TTC28: variants seen among roughly 807,000 people sequenced by gnomAD.
TTC28 encodes tetratricopeptide repeat protein 28.
TTC28 carries 61 observed loss-of-function variants against 198.0 expected under a neutral mutation model. The ratio of observed to expected loss-of-function variants is 0.31; its 90% CI spans 0.25 to 0.38. TTC28 has a LOEUF of 0.38. Ranked by LOEUF, TTC28 falls within the 10% of genes least tolerant of loss-of-function variation. The probability of loss-of-function intolerance (pLI) is 1.00; values close to 1 mark genes in which losing one functional copy is unlikely to be tolerated. For synonymous variants in TTC28, 1,171 were observed against 1,297.8 expected, an observed-to-expected ratio of 0.90 and a Z score of 2.10; for missense variants, 2,678 against 3,164.0, an observed-to-expected ratio of 0.85 and a Z score of 3.69.
Position 28,163,490 on chromosome 22 carries a change from T to C in TTC28, c.1043A>G (p.Lys348Arg), listed in dbSNP as rs1204128755. The change falls in exon 6 of 23, where the codon AAA becomes AGA. Residue 348 changes from lysine (K) to arginine (R), a missense_variant. Around this residue, in one of 8 missense-constraint regions of TTC28, gnomAD observed 775 missense variants for 845.9 expected, o/e 0.92. Transcript: ENST00000397906. ...KQCVLLAKQS[K>R]DELSEARELG... is the part of the protein sequence containing the mutation. The stretch of plus-strand genomic sequence containing the variant: ...TTCTCGGGCTTCAGAAAGTTCATCT[T>C]TGGATTGCTTGGCAAGAAGAACACA... 4 of 1,551,758 alleles carry C rather than the reference T, an allele frequency of 2.6e-6. No homozygotes were observed. Among genetic ancestry groups the C allele is most frequent in the East Asian group, 2.4e-5 (1 of 40,910 alleles).
intron 6 of TTC28, among the ~76,000 whole-genome samples, chr22:28,159,707 T>C (rs1035719517): frequency 6.6e-6 from 1 of 151,710 alleles, no homozygotes; most frequent in African/African-American, 2.4e-5. Flanking sequence ...AGCAATCCCA[T>C]TGCTGGATAT....
chr22:28,438,572 C>T (rs546803433), intron 2 of TTC28, among the ~76,000 whole-genome samples: 192 of 152,258 alleles, frequency 1.3e-3, no homozygotes, highest in Non-Finnish European at 2.3e-3. Flanking sequence ...AGTAAAATAA[C>T]ATTAGATGAG....
chr22:28,559,241 T>C (rs761121984), intron 2 of TTC28, among the ~76,000 whole-genome samples: 2 of 152,130 alleles, frequency 1.3e-5, no homozygotes, highest in Non-Finnish European at 1.5e-5. Flanking sequence ...TATGCCCTAA[T>C]CCAAAATGTC....
At chr22:28,526,286 C>T (rs1328868432) in intron 2 of TTC28, among the ~76,000 whole-genome samples, 3 of 152,116 alleles carry the variant, frequency 2.0e-5, no homozygotes, top group Non-Finnish European at 4.4e-5. Flanking sequence ...ATTATTCTAA[C>T]AACATCTTTC....
At chr22:28,149,045 C>T (rs931260876) in intron 6 of TTC28, among the ~76,000 whole-genome samples, 2 of 152,174 alleles carry the variant, frequency 1.3e-5, no homozygotes, top group Non-Finnish European at 2.9e-5. Flanking sequence ...TAGGTGATTT[C>T]GTCATTGTAC....
chr22:28,034,664 C>T (rs2235713), intron 12 of TTC28, among the ~76,000 whole-genome samples: 10,548 of 152,228 alleles, frequency 0.069, 481 homozygotes, highest in East Asian at 0.24. Context: ...TGGATTATTA[C>T]GGTCATGAAG....
chr22:28,021,842 G>A (rs553473480), intron 13 of TTC28, among the ~76,000 whole-genome samples: 4 of 152,170 alleles, frequency 2.6e-5, no homozygotes, highest in Admixed American at 1.3e-4. Flanking sequence ...ATCTGGCCAT[G>A]ACATCTTTAG....
At chr22:28,474,158 GA>G (rs904789208) in intron 2 of TTC28, among the ~76,000 whole-genome samples, 13 of 151,922 alleles carry the variant, frequency 8.6e-5, no homozygotes, top group African/African-American at 2.9e-4. Context: ...AACTCACAAG[GA>G]AAAAAAGATC....
intron 5 of TTC28, among the ~76,000 whole-genome samples, chr22:28,170,140 A>G (rs927705469): frequency 6.6e-6 from 1 of 152,186 alleles, no homozygotes; most frequent in Non-Finnish European, 1.5e-5. Flanking sequence ...TAATTATGAT[A>G]TTACATCTCT....
chr22:28,169,626 C>A (rs1321038969), intron 5 of TTC28, among the ~76,000 whole-genome samples: 1 of 151,960 alleles, frequency 6.6e-6, no homozygotes, highest in Non-Finnish European at 1.5e-5. Context: ...ACAATCAGAA[C>A]ACATGGACAC....
At chr22:28,129,089 T>C (rs1470599104) in intron 6 of TTC28, among the ~76,000 whole-genome samples, 4 of 152,206 alleles carry the variant, frequency 2.6e-5, no homozygotes, top group African/African-American at 7.2e-5. Flanking sequence ...GATTGTTCCA[T>C]GTAACAAGTA....
intron 2 of TTC28, among the ~76,000 whole-genome samples, chr22:28,590,151 G>A (rs546889819): frequency 4.2e-5 from 6 of 142,280 alleles, no homozygotes; most frequent in African/African-American, 1.3e-4. Context: ...TTTTTGAGAC[G>A]GAGTCTCTCT....
intron 3 of TTC28, among the ~76,000 whole-genome samples, chr22:28,305,067 C>A (rs1215171315): frequency 2.6e-5 from 4 of 152,000 alleles, no homozygotes; most frequent in South Asian, 2.1e-4. Context: ...CGGCTCACTG[C>A]GACCTCCCCG....
intron 12 of TTC28, among the ~76,000 whole-genome samples, chr22:28,059,564 T>C (rs1338519610): frequency 6.6e-6 from 1 of 152,064 alleles, no homozygotes; most frequent in Non-Finnish European, 1.5e-5. Context: ...TTGTATCATC[T>C]ATGTTTTACT....
intron 5 of TTC28, among the ~76,000 whole-genome samples, chr22:28,189,082 G>A (rs575827313): frequency 2.6e-5 from 4 of 152,182 alleles, no homozygotes; most frequent in South Asian, 2.1e-4. Flanking sequence ...CACAGTAAGC[G>A]CATGCCTGTA....
chr22:28,624,701 T>C (rs753178512), intron 2 of TTC28, among the ~76,000 whole-genome samples: 4 of 151,926 alleles, frequency 2.6e-5, no homozygotes, highest in Non-Finnish European at 5.9e-5. Context: ...ACAAACTCTT[T>C]CAGAAAATAC....
At chr22:28,135,625 T>TG (rs1325279608) in intron 6 of TTC28, among the ~76,000 whole-genome samples, 1 of 151,874 alleles carries the variant, frequency 6.6e-6, no homozygotes, top group Non-Finnish European at 1.5e-5. Context: ...AGAATAGTGG[T>TG]GGGGGGAAAG....
intron 2 of TTC28, among the ~76,000 whole-genome samples, chr22:28,584,006 G>GT (rs2050271383): frequency 3.2e-5 from 4 of 125,158 alleles, no homozygotes; most frequent in African/African-American, 1.3e-4. Flanking sequence ...TTTTGTTTTT[G>GT]TTTTGTTTTG....
At chr22:28,164,029 A>G (rs542307165) in intron 5 of TTC28, among the ~76,000 whole-genome samples, 3 of 152,350 alleles carry the variant, frequency 2.0e-5, no homozygotes, top group Non-Finnish European at 4.4e-5. Context: ...TCCTATGCCC[A>G]TGGAGCCTTG....
Sources: gnomAD v4.1 joint callset for allele counts (sites outside exome capture counted in the v4.1 genomes callset) on GRCh38, gnomAD v4.1.1 for gene constraint, gnomAD v4.1.1 regional missense constraint, MANE v1.5 for transcripts, NCBI Gene and HGNC (gene_info 2026-07-23, HGNC 2026-07-21) for gene names.